Variants in ANKRD61 observed in about 807,000 individuals in gnomAD.
The protein encoded by ANKRD61 is ankyrin repeat domain-containing protein 61.
Under a neutral mutation model 8.4 loss-of-function variants are expected in ANKRD61, and 7 were observed. The observed-to-expected ratio is 0.84, with a 90% CI of 0.48 to 1.57. The LOEUF is 1.57. Among genes scored for constraint, ANKRD61 ranks in the 40% most tolerant of loss-of-function variants. The pLI is 0.00. For synonymous variants in ANKRD61, 198 were observed against 208.0 expected (o/e 0.95, Z 0.41); for missense variants, 516 against 523.4 (o/e 0.99, Z 0.14).
intron 2 of ANKRD61, among the ~76,000 whole-genome samples, chr7:6,034,650 C>A (rs897947605): frequency 2.6e-5 from 4 of 152,234 alleles, no homozygotes; most frequent in African/African-American, 9.6e-5. Flanking sequence ...TCACCATATC[C>A]ATAGCCTAGG....
chr7:6,031,383 A>T lies in ANKRD61; in HGVS notation c.8A>T (p.Asn3Ile), dbSNP rs1787907003. The stretch of plus-strand genomic sequence containing the variant: ...AAGTCTTAAGTTTTTCTCATGGGGA[A>T]TATAACCAGGAAAGGAAGCAGAGAC... MG[N>I]ITRKGSRDLV... is the part of the protein sequence containing the mutation. Residue 3 changes from asparagine (N) to isoleucine (I), a missense_variant, in exon 1 of 3, where the codon AAT (asparagine) becomes ATT (isoleucine). Physicochemically the swap from Asn to Ile is moderately radical, Grantham distance 149. Coordinates refer to ENST00000409061, the MANE Select transcript of ANKRD61 (RefSeq NM_001271700.2). 1 of 1,550,560 alleles carries T rather than the reference A, an allele frequency of 6.4e-7. No homozygotes were observed. The highest frequency in any genetic ancestry group is 1.2e-5 in the South Asian group (1 of 84,060).
In ANKRD61 at chr7:6,035,465, A is replaced by C; in HGVS notation, c.336A>C (p.Thr112=). Residue 112 remains threonine (T), a synonymous_variant, in exon 3 of 3, where the codon ACA becomes ACC. Transcript: ENST00000409061. The surrounding 1 kb of genome is among the most constrained non-coding windows in gnomAD (Gnocchi z 5.5). ...PEVRDTTGLT[T]LNLMLLHWPV... is the part of the protein sequence containing the mutation. The stretch of plus-strand genomic sequence containing the variant: ...CTAGGGACACGACAGGCCTCACCAC[A>C]CTCAACTTAATGCTACTGCACTGGC... 1.9e-6 allele frequency: 3 copies of C among 1,550,590 alleles called. No individual in the cohort carries two copies. The highest frequency in any genetic ancestry group is 1.7e-6 in the Non-Finnish European group (2 of 1,146,900).
rs533534651 is a variant in ANKRD61, at chr7:6,033,051, C to G, written c.314+115C>G. 1.2e-6 allele frequency: 1 copy of G among 838,130 alleles called. No individual in the cohort carries two copies. The highest frequency in any genetic ancestry group is 2.5e-5 in the Admixed American group (1 of 39,958). 51.9% of individuals were successfully genotyped at this position (838,130 alleles called of 1,614,324 possible). ...TGGCACAATCTCGCCTCACTGCAAC[C>G]TCTACTTCCTGGGTTCAAGAGCTTC... On this transcript the variant is annotated intron_variant, in intron 2 of 2. Transcript: ENST00000409061. This position sits in a 1 kb window ranked among gnomAD's most constrained non-coding sequence, Gnocchi z 4.4.
In ANKRD61 at chr7:6,033,917, T is replaced by G. The variant is rs1227633938; in HGVS notation, c.314+981T>G. On this transcript the variant is annotated intron_variant, in intron 2 of 2. Transcript: ENST00000409061. The surrounding 1 kb of genome is among the most constrained non-coding windows in gnomAD (Gnocchi z 4.4). ...ACTCTCCACTAGAAGGTAAGCCGCA[T>G]GAAAGAGAAGTTGACCTTGTGCACC... 1.3e-5 allele frequency among the ~76,000 whole-genome samples: 2 copies of G among 151,998 alleles called. No homozygotes were observed. The highest frequency in any genetic ancestry group is 6.6e-5 in the Admixed American group (1 of 15,246).
Position 6,035,542 on chromosome 7 carries a change from TGACA to T in ANKRD61, c.418_421del (p.Asp140PhefsTer19), listed in dbSNP as rs1301916641. The T allele has an allele frequency of 3.2e-6, 5 of 1,551,088 alleles. No individual in the cohort carries two copies. The highest frequency in any genetic ancestry group is 3.5e-6 in the Non-Finnish European group (4 of 1,147,136). On this transcript the variant is annotated frameshift_variant, in exon 3 of 3. Coordinates refer to ENST00000409061, the MANE Select transcript of ANKRD61 (RefSeq NM_001271700.2). LOFTEE classifies it low-confidence loss of function (END_TRUNC). This position sits in a 1 kb window ranked among gnomAD's most constrained non-coding sequence, Gnocchi z 5.5. ...CCAGGCAACAGAACGCACAGGATCCTGACAGACATTCAGAATAGCAGCATCACAT... is the reference window on the plus strand; with the variant it reads ...CCAGGCAACAGAACGCACAGGATCCTGACATTCAGAATAGCAGCATCACAT...
chr7:6,032,877 G>A lies in ANKRD61; in HGVS notation c.255G>A (p.Lys85=). ...ESIIPIHLAA[K]YHKAQSLLCL... ...TCATCCCCATCCATCTGGCTGCCAA[G>A]TACCACAAGGCCCAGAGTCTGCTCT... The change falls in exon 2 of 3, where the codon AAG becomes AAA. Residue 85 remains lysine (K), a synonymous_variant. Coordinates refer to ENST00000409061, the MANE Select transcript of ANKRD61 (RefSeq NM_001271700.2). The surrounding 1 kb of genome is among the most constrained non-coding windows in gnomAD (Gnocchi z 4.3). 6.4e-7 allele frequency: 1 copy of A among 1,551,028 alleles called. No individual in the cohort carries two copies. Among genetic ancestry groups the A allele is most frequent in the Non-Finnish European group, 8.7e-7 (1 of 1,147,040 alleles).
rs945438439 is a variant in ANKRD61, at chr7:6,033,013, G to C, written c.314+77G>C. The C allele has an allele frequency of 5.4e-6, 7 of 1,295,958 alleles. No individual in the cohort carries two copies. The African/African-American group carries it at 8.9e-5, about 16-fold the overall frequency. The allele number at this position is 1,295,958 out of a possible 1,614,324, so 80.3% of individuals were successfully genotyped here. A position where few individuals can be genotyped will look rare whatever the true frequency, so the allele number is the denominator to read the frequency against. ...GGCAGGGGTCTCGCTCTGTTGCCCAGGCTGGAGTGCAATGGCACAATCTCG... is the reference window on the plus strand; with the variant it reads ...GGCAGGGGTCTCGCTCTGTTGCCCACGCTGGAGTGCAATGGCACAATCTCG... On this transcript the variant is annotated intron_variant, in intron 2 of 2. Transcript: ENST00000409061. The surrounding 1 kb of genome is among the most constrained non-coding windows in gnomAD (Gnocchi z 4.4).
intron 2 of ANKRD61, among the ~76,000 whole-genome samples, chr7:6,034,230 C>T (rs1191507385): frequency 6.6e-6 from 1 of 151,956 alleles, no homozygotes; most frequent in African/African-American, 2.4e-5. Context: ...TCGCTTGAAC[C>T]CGTGAGGCAG....
Position 6,035,519 on chromosome 7 carries a change from A to C in ANKRD61, c.390A>C (p.Pro130=). ...WPVTSTTWAK[P]GNRTHRILTD... Reference sequence around the variant, plus strand: ...TCACTTCCACCACGTGGGCAAAACCAGGCAACAGAACGCACAGGATCCTGA... The same window carrying C: ...TCACTTCCACCACGTGGGCAAAACCCGGCAACAGAACGCACAGGATCCTGA... The change falls in exon 3 of 3, where the codon CCA becomes CCC. Residue 130 remains proline, a synonymous_variant. Coordinates refer to ENST00000409061, the MANE Select transcript of ANKRD61 (RefSeq NM_001271700.2). The surrounding 1 kb of genome is among the most constrained non-coding windows in gnomAD (Gnocchi z 5.5). The C allele has an allele frequency of 6.4e-7, 1 of 1,551,212 alleles. No individual in the cohort carries two copies. The highest frequency in any genetic ancestry group is 8.7e-7 in the Non-Finnish European group (1 of 1,147,124).
chr7:6,032,748 A>C lies in ANKRD61; in HGVS notation c.217-91A>C. 1 of 1,052,550 alleles carries C rather than the reference A, an allele frequency of 9.5e-7. No individual in the cohort carries two copies. Among genetic ancestry groups the C allele is most frequent in the South Asian group, 1.5e-5 (1 of 67,816 alleles). The allele number at this position is 1,052,550 out of a possible 1,614,324, so 65.2% of individuals were successfully genotyped here. On this transcript the variant is annotated intron_variant, in intron 1 of 2. Transcript: ENST00000409061. The surrounding 1 kb of genome is among the most constrained non-coding windows in gnomAD (Gnocchi z 4.3). ...AGAGTGAGCCAATGAGACACTAAAT[A>C]AATGTATTGCCTTTGAAACGGCAAG...
chr7:6,035,960 G>C lies in ANKRD61; in HGVS notation c.831G>C (p.Lys277Asn), dbSNP rs1343138841. 14 of 1,549,592 alleles carry C rather than the reference G, an allele frequency of 9.0e-6. No homozygotes were observed. The highest frequency in any genetic ancestry group is 1.0e-5 in the Non-Finnish European group (12 of 1,146,260). The change falls in exon 3 of 3, where the codon AAG becomes AAC. Residue 277 changes from lysine to asparagine, a missense_variant. Transcript: ENST00000409061. The surrounding 1 kb of genome is among the most constrained non-coding windows in gnomAD (Gnocchi z 5.5). The stretch of plus-strand genomic sequence containing the variant: ...CCAAAGTCAACGCCCAGGACTACAA[G>C]GGCCAAACAGCCATCCATGAGGCAT... The part of the protein sequence containing the change: ...HGAKVNAQDY[K>N]GQTAIHEACF...
intron 1 of ANKRD61, 115 bp downstream of exon 1, chr7:6,031,706 A>G (rs1787918589): frequency 2.1e-6 from 2 of 938,768 alleles, no homozygotes; most frequent in African/African-American, 1.6e-5. Flanking sequence ...ATGAGACACG[A>G]CTCCAGCTCA....
At chr7:6,034,764 G>C (rs920949901) in intron 2 of ANKRD61, among the ~76,000 whole-genome samples, 1 of 152,140 alleles carries the variant, frequency 6.6e-6, no homozygotes, top group African/African-American at 2.4e-5. Flanking sequence ...CAAAACAAAG[G>C]AATTTTTGAA....
chr7:6,035,590 C>T lies in ANKRD61; in HGVS notation c.461C>T (p.Ala154Val), dbSNP rs1430118491. ...SSITCLRILC[A>V]HGAQVNTQGE... The stretch of plus-strand genomic sequence containing the variant: ...ATCACATGTCTCCGCATCTTGTGTG[C>T]GCACGGAGCTCAAGTGAACACTCAA... The change falls in exon 3 of 3, where the codon GCG becomes GTG. Residue 154 changes from alanine to valine, a missense_variant. Physicochemically the swap from Ala to Val is moderately conservative, Grantham distance 64 (BLOSUM62 0). Transcript: ENST00000409061. The surrounding 1 kb of genome is among the most constrained non-coding windows in gnomAD (Gnocchi z 5.5). The T allele has an allele frequency of 1.9e-5, 30 of 1,550,938 alleles. No homozygotes were observed. Among genetic ancestry groups the T allele is most frequent in the Middle Eastern group, 1.7e-4 (1 of 6,020 alleles).
chr7:6,033,118 G>A lies in ANKRD61; in HGVS notation c.314+182G>A, dbSNP rs563968327. Among the ~76,000 whole-genome samples, 11 of 152,174 alleles carry A rather than the reference G, an allele frequency of 7.2e-5. No individual in the cohort carries two copies. Among genetic ancestry groups the A allele is most frequent in the African/African-American group, 2.2e-4 (9 of 41,528 alleles). On this transcript the variant is annotated intron_variant, in intron 2 of 2. Transcript: ENST00000409061. The surrounding 1 kb of genome is among the most constrained non-coding windows in gnomAD (Gnocchi z 4.4). ...CGAGTAGCTGGGATTACAGGTGTGC[G>A]TCACCATGCCCAGCTAACATTTGTA...
chr7:6,034,362 A>C (rs1788010973), intron 2 of ANKRD61, among the ~76,000 whole-genome samples: 1 of 152,046 alleles, frequency 6.6e-6, no homozygotes, highest in Admixed American at 6.6e-5. Context: ...GCTCCAGAAG[A>C]ACCCACCTGA....
rs1249551327 is a variant in ANKRD61 at position 6,035,871 on chromosome 7, A to G, written c.742A>G (p.Ser248Gly). Residue 248 changes from serine to glycine, a missense_variant, in exon 3 of 3, where the codon AGC (serine) becomes GGC (glycine). Ser to Gly is a moderately conservative substitution (Grantham distance 56). Coordinates refer to ENST00000409061, the MANE Select transcript of ANKRD61 (RefSeq NM_001271700.2). The surrounding 1 kb of genome is among the most constrained non-coding windows in gnomAD (Gnocchi z 5.5). ...GAAGCTTGCAGTGTGCACTGCATCA[A>G]GCAAAGCAGGCCGACTCCTCGGGGC... ...PLKLAVCTAS[S>G]KAGRLLGAGV... 1.2e-5 allele frequency: 18 copies of G among 1,547,700 alleles called. No homozygotes were observed. The highest frequency in any genetic ancestry group is 1.6e-5 in the Non-Finnish European group (18 of 1,144,960).
rs1035525704 is a variant in ANKRD61, at chr7:6,035,851, T to C, written c.722T>C (p.Leu241Pro). The change falls in exon 3 of 3, where the codon CTT (leucine) becomes CCT (proline). Residue 241 changes from leucine (L) to proline (P), a missense_variant. By Grantham distance (98) the Leu-to-Pro change is moderately conservative. Coordinates refer to ENST00000409061, the MANE Select transcript of ANKRD61 (RefSeq NM_001271700.2). This position sits in a 1 kb window ranked among gnomAD's most constrained non-coding sequence, Gnocchi z 5.5. Reference protein sequence around the residue: ...VSSTGNTPLKLAVCTASSKAG... With the variant: ...VSSTGNTPLKPAVCTASSKAG... ...TCCACGGGGAACACGCCCCTGAAGC[T>C]TGCAGTGTGCACTGCATCAAGCAAA... 3 of 1,548,322 alleles carry C rather than the reference T, an allele frequency of 1.9e-6. No homozygotes were observed. The highest frequency in any genetic ancestry group is 4.9e-5 in the East Asian group (2 of 40,876).
At position 6,032,894 on chromosome 7, in the gene ANKRD61, G is replaced by A. The variant is rs1342926818; in HGVS notation, c.272G>A (p.Ser91Asn). ...GCTGCCAAGTACCACAAGGCCCAGA[G>A]TCTGCTCTGCCTGTTACGGCACGGT... ...HLAAKYHKAQSLLCLLRHGAD... is the reference protein window; with the variant it reads ...HLAAKYHKAQNLLCLLRHGAD... Residue 91 changes from serine to asparagine, a missense_variant, in exon 2 of 3, where the codon AGT becomes AAT. By Grantham distance (46) the Ser-to-Asn change is conservative. Transcript: ENST00000409061. This position sits in a 1 kb window ranked among gnomAD's most constrained non-coding sequence, Gnocchi z 4.3. 13 of 1,550,916 alleles carry A rather than the reference G, an allele frequency of 8.4e-6. No individual in the cohort carries two copies. Among genetic ancestry groups the A allele is most frequent in the Non-Finnish European group, 1.1e-5 (13 of 1,147,046 alleles).
Sources: gnomAD v4.1 joint callset for allele counts (sites outside exome capture counted in the v4.1 genomes callset) on GRCh38, gnomAD v4.1.1 for gene constraint, Gnocchi (gnomAD v3.1) non-coding constraint, MANE v1.5 for transcripts, NCBI Gene and HGNC (gene_info 2026-07-23, HGNC 2026-07-21) for gene names.